The following METTL25 variants were observed in gnomAD, a reference collection of about 807,000 sequenced individuals.
The protein encoded by METTL25 is probable methyltransferase-like protein 25.
In METTL25, 64 loss-of-function variants were observed where a neutral mutation model predicts 71.6. The ratio of observed to expected loss-of-function variants is 0.89; its 90% CI spans 0.73 to 1.10. The LOEUF (loss-of-function observed/expected upper bound fraction) is 1.10. Among genes scored for constraint, METTL25 ranks in the 50% least tolerant of loss-of-function variants. The probability of loss-of-function intolerance (pLI) is 0.00; values close to 1 mark genes in which losing one functional copy is unlikely to be tolerated. For synonymous variants in METTL25, 287 were observed against 250.3 expected (o/e 1.15, Z -1.38); for missense variants, 807 against 707.0 (o/e 1.14, Z -1.60).
intron 1 of METTL25, among the ~76,000 whole-genome samples, chr12:82,381,473 A>G (rs1463481401): frequency 2.6e-5 from 4 of 152,154 alleles, no homozygotes; most frequent in Non-Finnish European, 5.9e-5. Flanking sequence ...TTTATATAAC[A>G]TTTTTTCACT....
At chr12:82,468,152 A>T (rs191193982) in intron 9 of METTL25, among the ~76,000 whole-genome samples, 18 of 152,184 alleles carry the variant, frequency 1.2e-4, no homozygotes, top group Non-Finnish European at 2.1e-4. Context: ...TAAATTTTTT[A>T]AAATAACCCA....
At chr12:82,400,343 A>G (rs548610689) in intron 4 of METTL25, among the ~76,000 whole-genome samples, 63 of 66,264 alleles carry the variant, frequency 9.5e-4, no homozygotes, top group African/African-American at 2.0e-3. Flanking sequence ...CCCAACAAAA[A>G]AAAAAAGAAA....
chr12:82,456,315 T>G (rs1891483323), intron 8 of METTL25, among the ~76,000 whole-genome samples: 1 of 151,918 alleles, frequency 6.6e-6, no homozygotes, highest in Non-Finnish European at 1.5e-5. Context: ...ATGGCTGGAA[T>G]TGAAGAAGTT....
At chr12:82,402,784 A>T (rs186009437) in intron 4 of METTL25, among the ~76,000 whole-genome samples, 199 bp from the exon 5 acceptor site, 2 of 152,280 alleles carry the variant, frequency 1.3e-5, no homozygotes, top group Admixed American at 1.3e-4. Context: ...TTGTAGTCCC[A>T]GCTACTTGGG....
At chr12:82,474,126 T>C (rs1892740931) in intron 9 of METTL25, among the ~76,000 whole-genome samples, 1 of 152,286 alleles carries the variant, frequency 6.6e-6, no homozygotes, top group East Asian at 1.9e-4. Context: ...GGGCTCACCA[T>C]TTATGAGGAC....
chr12:82,437,842 A>T (rs992894890), intron 7 of METTL25, among the ~76,000 whole-genome samples: 6 of 151,688 alleles, frequency 4.0e-5, no homozygotes, highest in South Asian at 4.1e-4. Context: ...CTCATTTTTT[A>T]AAAAAATAAT....
chr12:82,419,388 C>T (rs1888267861), intron 5 of METTL25, among the ~76,000 whole-genome samples: 1 of 152,064 alleles, frequency 6.6e-6, no homozygotes, highest in Non-Finnish European at 1.5e-5. Context: ...CATCAGTTGC[C>T]TGCTTTTCAG....
intron 6 of METTL25, among the ~76,000 whole-genome samples, chr12:82,434,403 T>G (rs1889757126): frequency 1.3e-5 from 2 of 151,530 alleles, no homozygotes; most frequent in Non-Finnish European, 3.0e-5. Context: ...ATTTCATTTC[T>G]TTCCTGTTTT....
intron 3 of METTL25, among the ~76,000 whole-genome samples, chr12:82,394,929 C>T (rs957832753): frequency 1.3e-5 from 2 of 151,686 alleles, no homozygotes; most frequent in Non-Finnish European, 2.9e-5. Context: ...CCTGAACATG[C>T]ATACTTTGTT....
chr12:82,430,717 A>G (rs1270782557), intron 5 of METTL25, among the ~76,000 whole-genome samples, 176 bp from the exon 6 acceptor site: 1 of 151,728 alleles, frequency 6.6e-6, no homozygotes, highest in Non-Finnish European at 1.5e-5. Context: ...CATTTTCATA[A>G]CATTTGTATG....
chr12:82,415,417 G>T (rs183112981), intron 5 of METTL25, among the ~76,000 whole-genome samples: 23 of 152,098 alleles, frequency 1.5e-4, no homozygotes, highest in African/African-American at 5.5e-4. Context: ...ATTGTAAATC[G>T]GGCTATATAT....
In METTL25 at chr12:82,477,361, T is replaced by C. The variant is rs779739746; in HGVS notation, c.1719+9T>C. On this transcript the variant is annotated intron_variant, in intron 11 of 11. Coordinates refer to ENST00000248306, the MANE Select transcript of METTL25 (RefSeq NM_032230.3). The stretch of plus-strand genomic sequence containing the variant: ...GTTACCTGAAAGAGCAGGTAAATTA[T>C]GTTATTTTAAAATACACAACAAATA... The C allele has an allele frequency of 3.4e-6, 5 of 1,458,892 alleles. No individual in the cohort carries two copies. In the African/African-American group the frequency reaches 5.7e-5, roughly 16 times the overall value. The allele number at this position is 1,458,892 out of a possible 1,614,324, so 90.4% of individuals were successfully genotyped here.
In METTL25 at chr12:82,403,095, A is replaced by G; in HGVS notation, c.1244A>G (p.His415Arg). Residue 415 changes from histidine (H) to arginine (R), a missense_variant, in exon 5 of 12, where the codon CAC becomes CGC. Coordinates refer to ENST00000248306, the MANE Select transcript of METTL25 (RefSeq NM_032230.3). ...GTTTGCAGTGTGGGTTGTTGCTACCACCTCTTATCTGAAGAATTTGAAAAC... is the reference window on the plus strand; with the variant it reads ...GTTTGCAGTGTGGGTTGTTGCTACCGCCTCTTATCTGAAGAATTTGAAAAC... Reference protein sequence around the residue: ...KGVCSVGCCYHLLSEEFENQH... With the variant: ...KGVCSVGCCYRLLSEEFENQH... The G allele has an allele frequency of 6.2e-7, 1 of 1,612,414 alleles. No homozygotes were observed. The highest frequency in any genetic ancestry group is 1.1e-5 in the South Asian group (1 of 90,788).
At chr12:82,431,240 A>G (rs1028077333) in intron 6 of METTL25, among the ~76,000 whole-genome samples, 25 of 151,410 alleles carry the variant, frequency 1.7e-4, no homozygotes, top group South Asian at 1.0e-3. Context: ...ACTTTATCCA[A>G]CGCTCTGTGG....
chr12:82,422,193 T>C (rs1249614941), intron 5 of METTL25, among the ~76,000 whole-genome samples: 1 of 152,112 alleles, frequency 6.6e-6, no homozygotes, highest in East Asian at 1.9e-4. Context: ...AAAAAGCTTA[T>C]CCACCATGAT....
chr12:82,448,624 T>C (rs867827463), intron 8 of METTL25, among the ~76,000 whole-genome samples: 1 of 152,100 alleles, frequency 6.6e-6, no homozygotes, highest in Non-Finnish European at 1.5e-5. Context: ...TTATGTTACC[T>C]AGTTTAATTT....
intron 8 of METTL25, among the ~76,000 whole-genome samples, chr12:82,440,855 G>T (rs1173082334): frequency 6.6e-6 from 1 of 151,972 alleles, no homozygotes; most frequent in Non-Finnish European, 1.5e-5. Flanking sequence ...TATTGAAGTA[G>T]GTAAGAATTA....
chr12:82,475,805 C>T (rs1476286684), intron 9 of METTL25, among the ~76,000 whole-genome samples: 1 of 152,056 alleles, frequency 6.6e-6, no homozygotes, highest in Non-Finnish European at 1.5e-5. Flanking sequence ...ATGCTTGGGA[C>T]AGAAGTGTTT....
intron 1 of METTL25, among the ~76,000 whole-genome samples, chr12:82,366,676 C>T (rs1882611975): frequency 6.6e-6 from 1 of 151,792 alleles, no homozygotes; most frequent in African/African-American, 2.4e-5. Flanking sequence ...TGAAATTGCG[C>T]TCATATTTAA....
Sources: allele counts gnomAD v4.1 joint callset (sites outside exome capture counted in the v4.1 genomes callset), GRCh38; gene constraint gnomAD v4.1.1; transcripts MANE v1.5; gene names NCBI Gene and HGNC (gene_info 2026-07-23, HGNC 2026-07-21).